The following ABL2 variants were observed in gnomAD, a reference collection of about 807,000 sequenced individuals.
ABL2 encodes the protein ABL proto-oncogene 2, non-receptor tyrosine kinase.
Under a neutral mutation model 107.7 loss-of-function variants are expected in ABL2, and 49 were observed. The observed-to-expected ratio is 0.45, with a 90% CI of 0.36 to 0.58. The LOEUF is 0.58. Ranked by LOEUF, ABL2 falls within the 20% of genes least tolerant of loss-of-function variation. ABL2 has a pLI of 0.00. For synonymous variants in ABL2, 549 were observed against 548.6 expected, an observed-to-expected ratio of 1.00 and a Z score of -0.01; for missense variants, 1,245 against 1,457.0, an observed-to-expected ratio of 0.85 and a Z score of 2.37.
intron 1 of ABL2, chr1:179,142,804 C>T (rs1205907459): frequency 1.3e-5 from 14 of 1,089,826 alleles, no homozygotes; most frequent in Non-Finnish European, 1.4e-5. Context: ...CAAGAAAGCA[C>T]ACAAACTTTC....
At position 179,104,112 on chromosome 1, in the gene ABL2, A is replaced by G. The variant is rs1168175241; in HGVS notation, c.*3606T>C. On this transcript the variant is annotated 3_prime_UTR_variant, in exon 12 of 12. Coordinates refer to ENST00000502732, the MANE Select transcript of ABL2 (RefSeq NM_007314.4). ...TGCATCCCTAGACTAGGTGTTAATA[A>G]TAGTAGTAGTAGAACATTTATAGAG... is the stretch of plus-strand genomic sequence containing the variant. 8.6e-6 allele frequency: 2 copies of G among 232,464 alleles called. No individual in the cohort carries two copies. Among genetic ancestry groups the G allele is most frequent in the Non-Finnish European group, 1.7e-5 (2 of 117,530 alleles). The allele number at this position is 232,464 out of a possible 1,614,324, so 14.4% of individuals were successfully genotyped here.
At chr1:179,229,173 A>AACCACCCCCCCC in intron 1 of ABL2, 68 bp downstream of exon 1, 1 of 223,208 alleles carries the variant, frequency 4.5e-6, no homozygotes, top group Non-Finnish European at 7.2e-6. Context: ...CCCGTCCGCC[A>AACCACCCCCCCC]CCCACCCCGC....
At chr1:179,130,726 TTGTGTGTGTGTGTGTGTG>T (rs10643666) in intron 3 of ABL2, among the ~76,000 whole-genome samples, 1 of 142,722 alleles carries the variant, frequency 7.0e-6, no homozygotes, top group Non-Finnish European at 1.5e-5. Context: ...ATTATTGATT[TTGTGTGTGTGTGTGTGTG>T]TGTGTGTGTG....
intron 1 of ABL2, among the ~76,000 whole-genome samples, chr1:179,140,035 C>T (rs1233491771): frequency 2.6e-5 from 4 of 152,200 alleles, no homozygotes; most frequent in Admixed American, 6.5e-5. Context: ...TTGTTCCCTA[C>T]TGTTTATTCT....
At chr1:179,122,160 G>A (rs1050961523) in intron 4 of ABL2, among the ~76,000 whole-genome samples, 23 of 150,858 alleles carry the variant, frequency 1.5e-4, no homozygotes, top group African/African-American at 4.9e-4. Context: ...GTGATCTGCC[G>A]GCCTCAGCCT....
intron 1 of ABL2, among the ~76,000 whole-genome samples, chr1:179,225,973 G>A (rs1663173778): frequency 6.8e-6 from 1 of 147,910 alleles, no homozygotes; most frequent in Non-Finnish European, 1.5e-5. Context: ...GAACCCGGGA[G>A]GCGGAGCTTG....
In ABL2 at chr1:179,118,790, T is replaced by C. The variant is rs138817688; in HGVS notation, c.1046-26A>G. 1,750 of 1,610,164 alleles carry C rather than the reference T, an allele frequency of 1.1e-3. 41 individuals carry two copies. In the East Asian group the frequency reaches 0.035, roughly 32 times the overall value. ...CTAAAAGTTGAACAATAGTGCTTGT[T>C]TTTATTAGTGTACATTCAAACACTC... On this transcript the variant is annotated intron_variant, in intron 6 of 11. Coordinates refer to ENST00000502732, the MANE Select transcript of ABL2 (RefSeq NM_007314.4).
At chr1:179,174,766 G>C (rs915200149) in intron 1 of ABL2, among the ~76,000 whole-genome samples, 1 of 151,022 alleles carries the variant, frequency 6.6e-6, no homozygotes, top group Non-Finnish European at 1.5e-5. Flanking sequence ...GTGTTGGCAC[G>C]CACCTGTAAT....
chr1:179,155,463 C>T (rs987531878), intron 1 of ABL2, among the ~76,000 whole-genome samples: 1 of 152,132 alleles, frequency 6.6e-6, no homozygotes, highest in Non-Finnish European at 1.5e-5. Flanking sequence ...GGCGCGGTGG[C>T]TCACACCTGT....
At chr1:179,136,102 C>A (rs1338913869) in intron 1 of ABL2, among the ~76,000 whole-genome samples, 1 of 149,554 alleles carries the variant, frequency 6.7e-6, no homozygotes. Flanking sequence ...GTCAGCCCCC[C>A]GTCCGGCCAG....
At chr1:179,166,742 A>C (rs1456643993) in intron 1 of ABL2, among the ~76,000 whole-genome samples, 1 of 145,900 alleles carries the variant, frequency 6.9e-6, no homozygotes, top group East Asian at 2.0e-4. Flanking sequence ...ACATCGCTGC[A>C]CTCCAGCCTT....
chr1:179,184,503 G>T, intron 1 of ABL2: 2 of 740,332 alleles, frequency 2.7e-6, no homozygotes, highest in Admixed American at 2.3e-5. Context: ...CATCAAAGAT[G>T]ACATTTGTCC....
Position 179,108,938 on chromosome 1 carries a change from G to T in ABL2, c.2329C>A (p.Pro777Thr). The T allele has an allele frequency of 6.2e-7, 1 of 1,614,130 alleles. No homozygotes were observed. The highest frequency in any genetic ancestry group is 8.5e-7 in the Non-Finnish European group (1 of 1,180,030). Residue 777 changes from proline (P) to threonine (T), a missense_variant, in exon 12 of 12, where the codon CCT becomes ACT. Transcript: ENST00000502732. ...GATGTAGAGTTTGACCTTGGAAAAG[G>T]CTTGGAAGTGTCATCACTGGCTGTG... ...KPTASDDTSK[P>T]FPRSNSTSSM...
chr1:179,189,842 C>CG (rs755422185), intron 1 of ABL2, among the ~76,000 whole-genome samples: 4 of 150,892 alleles, frequency 2.7e-5, no homozygotes, highest in African/African-American at 4.9e-5. Context: ...TTTTTTGAGA[C>CG]GGAGTTTTGC....
At chr1:179,198,117 C>T (rs1317085681) in intron 1 of ABL2, among the ~76,000 whole-genome samples, 3 of 141,600 alleles carry the variant, frequency 2.1e-5, no homozygotes, top group Non-Finnish European at 3.0e-5. Flanking sequence ...AAAGCTGCAA[C>T]GAGTTGTGCC....
At chr1:179,132,631 G>A (rs1351585826) in intron 2 of ABL2, among the ~76,000 whole-genome samples, 2 of 150,566 alleles carry the variant, frequency 1.3e-5, no homozygotes, top group Non-Finnish European at 3.0e-5. Context: ...TCTGCCTCCC[G>A]AGTTCAAGCG....
intron 1 of ABL2, among the ~76,000 whole-genome samples, chr1:179,198,850 T>C (rs934807445): frequency 1.3e-5 from 2 of 151,122 alleles, no homozygotes; most frequent in African/African-American, 2.4e-5. Flanking sequence ...TCCTTTTTTT[T>C]TTTTTTTTAA....
At chr1:179,133,487 T>G in intron 1 of ABL2, 113 bp from the exon 2 acceptor site, 1 of 1,543,666 alleles carries the variant, frequency 6.5e-7, no homozygotes, top group Non-Finnish European at 8.8e-7. Flanking sequence ...ATCAGGTCTC[T>G]ACCTACTTCT....
At chr1:179,210,855 A>G (rs1295163386) in intron 1 of ABL2, among the ~76,000 whole-genome samples, 1 of 151,902 alleles carries the variant, frequency 6.6e-6, no homozygotes, top group Non-Finnish European at 1.5e-5. Flanking sequence ...CTCTGTCTCA[A>G]AAAAATAATA....
Sources: allele counts gnomAD v4.1 joint callset (sites outside exome capture counted in the v4.1 genomes callset), GRCh38; gene constraint gnomAD v4.1.1; transcripts MANE v1.5; gene names NCBI Gene and HGNC (gene_info 2026-07-23, HGNC 2026-07-21).